Variants in DONSON observed in about 807,000 individuals in gnomAD.
DONSON encodes the protein protein downstream neighbor of Son.
Under a neutral mutation model 62.1 loss-of-function variants are expected in DONSON, and 43 were observed. The observed-to-expected ratio is 0.69, with a 90% CI of 0.54 to 0.89. The LOEUF (loss-of-function observed/expected upper bound fraction) is 0.89. DONSON is among the 40% of genes least tolerant of loss of function. DONSON has a pLI of 0.00. For missense variants in DONSON, 696 were observed against 697.5 expected (o/e 1.00, Z 0.03); for synonymous variants, 266 against 264.6 (o/e 1.01, Z -0.05).
rs1569072947 is a variant in DONSON, at chr21:33,577,654, C to CCCCTAT, written c.*652_*653insATAGGG. The CCCCTAT allele has an allele frequency of 2.2e-5, 2 of 89,528 alleles. No homozygotes were observed. Among genetic ancestry groups the CCCCTAT allele is most frequent in the Admixed American group, 2.0e-4 (2 of 10,152 alleles). 5.5% of individuals were successfully genotyped at this position (89,528 alleles called of 1,614,324 possible). Reference sequence around the variant, plus strand: ...ACACACACACACACACACACACACACACACACACACACACACACACACACA... The same window carrying CCCCTAT: ...ACACACACACACACACACACACACACCCCTATACACACACACACACACACACACACA... On this transcript the variant is annotated 3_prime_UTR_variant, in exon 10 of 10. Coordinates refer to ENST00000303071, the MANE Select transcript of DONSON (RefSeq NM_017613.4).
intron 2 of DONSON, chr21:33,587,296 A>G (rs1283489216): frequency 6.5e-6 from 6 of 926,474 alleles, no homozygotes; most frequent in African/African-American, 1.8e-5. Context: ...GGCCTATTTT[A>G]GCGCTGGCTA....
intron 8 of DONSON, among the ~76,000 whole-genome samples, chr21:33,580,884 C>G (rs2086500491): frequency 6.7e-6 from 1 of 149,536 alleles, no homozygotes; most frequent in Admixed American, 6.7e-5. Flanking sequence ...CCTCTTAAAA[C>G]AAACAAACAA....
rs1569073141 is a variant in DONSON at position 33,577,676 on chromosome 21, CACACACACACACACACACACACACA to C, written c.*606_*630del. 40 of 107,628 alleles carry C rather than the reference CACACACACACACACACACACACACA, an allele frequency of 3.7e-4. No homozygotes were observed. The highest frequency in any genetic ancestry group is 1.0e-3 in the East Asian group (4 of 3,816). The allele number at this position is 107,628 out of a possible 1,614,324, so 6.7% of individuals were successfully genotyped here. ...ACACACACACACACACACACACACA[CACACACACACACACACACACACACA>C]CCCCTATAAGCACATTAAATACTAC... is the stretch of plus-strand genomic sequence containing the variant. On this transcript the variant is annotated 3_prime_UTR_variant, in exon 10 of 10. Coordinates refer to ENST00000303071, the MANE Select transcript of DONSON (RefSeq NM_017613.4).
chr21:33,585,900 C>G, intron 3 of DONSON, 78 bp downstream of exon 3: 1 of 1,332,374 alleles, frequency 7.5e-7, no homozygotes, highest in Non-Finnish European at 1.1e-6. Context: ...TGGAAGGCAG[C>G]ATCTGCTATT....
chr21:33,586,284 T>A (rs1569077299), intron 2 of DONSON, 103 bp from the exon 3 acceptor site: 1 of 917,520 alleles, frequency 1.1e-6, no homozygotes, highest in African/African-American at 1.7e-5. Context: ...AAAAATCATA[T>A]AAGCTGTATA....
At chr21:33,580,074 A>G (rs1315733651) in intron 8 of DONSON, among the ~76,000 whole-genome samples, 6 of 151,718 alleles carry the variant, frequency 4.0e-5, no homozygotes, top group Non-Finnish European at 1.5e-5. Context: ...GTGTGAGCCT[A>G]TAGTCCCAGC....
intron 9 of DONSON, among the ~76,000 whole-genome samples, chr21:33,578,929 G>C (rs186535357): frequency 6.6e-6 from 1 of 152,152 alleles, no homozygotes. Context: ...CTGAAGTCAG[G>C]AGTTCAAGAC....
Position 33,577,682 on chromosome 21 carries a change from CACACA to C in DONSON, c.*620_*624del, listed in dbSNP as rs2086446871. The C allele has an allele frequency of 1.8e-5, 2 of 109,420 alleles. No homozygotes were observed. The highest frequency in any genetic ancestry group is 8.7e-5 in the African/African-American group (2 of 22,862). The allele number at this position is 109,420 out of a possible 1,614,324, so 6.8% of individuals were successfully genotyped here. A position where few individuals can be genotyped will look rare whatever the true frequency, so the allele number is the denominator to read the frequency against. ...ACACACACACACACACACACACACA[CACACA>C]CACACACACACACACCCCTATAAGC... On this transcript the variant is annotated 3_prime_UTR_variant, in exon 10 of 10. Coordinates refer to ENST00000303071, the MANE Select transcript of DONSON (RefSeq NM_017613.4).
rs375857436 is a variant in DONSON at position 33,582,161 on chromosome 21, A to G, written c.1046+4T>C. On this transcript the variant is annotated splice_donor_region_variant and intron_variant, in intron 6 of 9. Coordinates refer to ENST00000303071, the MANE Select transcript of DONSON (RefSeq NM_017613.4). ...GATGATATAAAGTTATTTTAATCACATACTCCCCATATCCCAAGCTTGTTC... is the reference window on the plus strand; with the variant it reads ...GATGATATAAAGTTATTTTAATCACGTACTCCCCATATCCCAAGCTTGTTC... 1.4e-5 allele frequency: 22 copies of G among 1,613,550 alleles called. 1 individual carries two copies. The highest frequency in any genetic ancestry group is 3.3e-4 in the Middle Eastern group (2 of 6,080).
rs766587395 is a variant in DONSON at position 33,581,296 on chromosome 21, T to C, written c.1350+6A>G. On this transcript the variant is annotated splice_donor_region_variant and intron_variant, in intron 8 of 9. Coordinates refer to ENST00000303071, the MANE Select transcript of DONSON (RefSeq NM_017613.4). ...TTAAAAGCTAGGTTATGCAGACTTTTATTACCTTAAGCATTTGCATTGTGG... is the reference window on the plus strand; with the variant it reads ...TTAAAAGCTAGGTTATGCAGACTTTCATTACCTTAAGCATTTGCATTGTGG... 7.1e-5 allele frequency: 114 copies of C among 1,613,490 alleles called. No individual in the cohort carries two copies. Among genetic ancestry groups the C allele is most frequent in the Non-Finnish European group, 9.5e-5 (112 of 1,179,676 alleles).
chr21:33,579,425 G>C lies in DONSON; in HGVS notation c.1488C>G (p.Phe496Leu). The C allele has an allele frequency of 6.2e-7, 1 of 1,614,180 alleles. No individual in the cohort carries two copies. The highest frequency in any genetic ancestry group is 8.5e-7 in the Non-Finnish European group (1 of 1,180,016). ...MLLKSSQSGSFSAVLYPHEPT... is the reference protein window; with the variant it reads ...MLLKSSQSGSLSAVLYPHEPT... Reference sequence around the variant, plus strand: ...GCTCGTGTGGATACAGTACTGCAGAGAAAGATCCACTCTGTGAAGATTTGA... The same window carrying C: ...GCTCGTGTGGATACAGTACTGCAGACAAAGATCCACTCTGTGAAGATTTGA... The change falls in exon 9 of 10, where the codon TTC (phenylalanine) becomes TTG (leucine). Residue 496 changes from phenylalanine (F) to leucine (L), a missense_variant. Phe to Leu is a conservative substitution (Grantham distance 22, BLOSUM62 0). Coordinates refer to ENST00000303071, the MANE Select transcript of DONSON (RefSeq NM_017613.4).
At chr21:33,585,933 CTTAAT>C (rs2086572303) in intron 3 of DONSON, 40 bp downstream of exon 3, 1 of 1,586,988 alleles carries the variant, frequency 6.3e-7, no homozygotes, top group African/African-American at 1.3e-5. Context: ...GCATTTCACA[CTTAAT>C]TTGTTACTTT....
chr21:33,577,684 CACACACACACACACACA>C lies in DONSON; in HGVS notation c.*606_*622del, dbSNP rs1569073232. On this transcript the variant is annotated 3_prime_UTR_variant, in exon 10 of 10. Transcript: ENST00000303071. ...ACACACACACACACACACACACACACACACACACACACACACACCCCTATAAGCACATTAAATACTAC... is the reference window on the plus strand; with the variant it reads ...ACACACACACACACACACACACACACCCCCTATAAGCACATTAAATACTAC... 7.2e-4 allele frequency: 80 copies of C among 110,850 alleles called. 1 individual carries two copies. Among genetic ancestry groups the C allele is most frequent in the East Asian group, 1.1e-3 (4 of 3,620 alleles). The allele number at this position is 110,850 out of a possible 1,614,324, so 6.9% of individuals were successfully genotyped here.
chr21:33,585,595 C>G, intron 3 of DONSON, among the ~76,000 whole-genome samples: 1 of 152,102 alleles, frequency 6.6e-6, no homozygotes, highest in Middle Eastern at 3.4e-3. Flanking sequence ...CCACAAAATT[C>G]ATAAAATTTT....
At chr21:33,587,173 C>T (rs921688047) in intron 2 of DONSON, among the ~76,000 whole-genome samples, 1 of 152,138 alleles carries the variant, frequency 6.6e-6, no homozygotes, top group Non-Finnish European at 1.5e-5. Flanking sequence ...ATGCCACAAC[C>T]TGTGGAGGTG....
chr21:33,585,852 CTGTCTT>C, intron 3 of DONSON, 120 bp downstream of exon 3: 2 of 907,308 alleles, frequency 2.2e-6, no homozygotes, highest in Non-Finnish European at 3.3e-6. Context: ...ACAAAACTTC[CTGTCTT>C]TGTATCTTTA....
chr21:33,579,620 C>T, intron 8 of DONSON, 58 bp from the exon 9 acceptor site: 1 of 1,412,968 alleles, frequency 7.1e-7, no homozygotes, highest in Middle Eastern at 1.8e-4. Context: ...TTTTGCCTAG[C>T]CAAAAATATG....
At chr21:33,582,298 G>A in intron 5 of DONSON, 52 bp from the exon 6 acceptor site, 1 of 1,196,658 alleles carries the variant, frequency 8.4e-7, no homozygotes, top group Non-Finnish European at 1.2e-6. Context: ...TATTTAACAG[G>A]CATGCTGTAC....
In DONSON at chr21:33,583,518, G is replaced by C; in HGVS notation, c.934C>G (p.Arg312Gly). 6.2e-7 allele frequency: 1 copy of C among 1,613,496 alleles called. No homozygotes were observed. The highest frequency in any genetic ancestry group is 8.5e-7 in the Non-Finnish European group (1 of 1,179,796). Residue 312 changes from arginine to glycine, a missense_variant, in exon 5 of 10, where the codon CGA (arginine) becomes GGA (glycine). Physicochemically the swap from Arg to Gly is moderately radical, Grantham distance 125. Coordinates refer to ENST00000303071, the MANE Select transcript of DONSON (RefSeq NM_017613.4). ...TTTCTCATAGCTTCTCTTAAACCTC[G>C]AGTTGTTGGAGATATGAGAGCTGTG... is the stretch of plus-strand genomic sequence containing the variant. ...LITALISPTTRGLREAMRNEG... is the reference protein window; with the variant it reads ...LITALISPTTGGLREAMRNEG...
Sources: allele counts gnomAD v4.1 joint callset (sites outside exome capture counted in the v4.1 genomes callset), GRCh38; gene constraint gnomAD v4.1.1; transcripts MANE v1.5; gene names NCBI Gene and HGNC (gene_info 2026-07-23, HGNC 2026-07-21).